The following AOPEP variants were observed in gnomAD, a reference collection of about 807,000 sequenced individuals.
The protein encoded by AOPEP is aminopeptidase O (putative).
AOPEP carries 77 observed loss-of-function variants against 98.1 expected under a neutral mutation model. The observed-to-expected ratio is 0.78, with a 90% CI of 0.65 to 0.95. The LOEUF is 0.95. Among genes scored for constraint, AOPEP ranks in the 40% least tolerant of loss-of-function variants. The pLI, the probability that AOPEP is intolerant of heterozygous loss-of-function variation, is 0.00. For synonymous variants in AOPEP, 346 were observed against 365.3 expected (o/e 0.95, Z 0.60); for missense variants, 1,024 against 1,024.7 (o/e 1.00, Z 0.01).
intron 11 of AOPEP, among the ~76,000 whole-genome samples, chr9:94,997,698 ATT>A (rs112551708): frequency 6.6e-6 from 1 of 152,006 alleles, no homozygotes; most frequent in Non-Finnish European, 1.5e-5. Context: ...CACCTGTGAA[ATT>A]TTGTTTTTTT....
chr9:95,128,611 C>T, the AOPEP span, among the ~76,000 whole-genome samples: 1 of 152,146 alleles, frequency 6.6e-6, no homozygotes, highest in Admixed American at 6.5e-5. Context: ...ACAGCTCTTA[C>T]TCAGTTTGTT....
At chr9:95,060,845 G>T in intron 14 of AOPEP, 35 bp downstream of exon 14, 1 of 1,310,766 alleles carries the variant, frequency 7.6e-7, no homozygotes, top group Non-Finnish European at 1.1e-6. Context: ...TAACCAGCAG[G>T]TCCCCACTGT....
At chr9:94,944,493 A>G (rs2057398089) in intron 7 of AOPEP, among the ~76,000 whole-genome samples, 2 of 152,266 alleles carry the variant, frequency 1.3e-5, no homozygotes, top group South Asian at 4.1e-4. Context: ...AAAAGGCCAC[A>G]TACTGTATCA....
intron 5 of AOPEP, among the ~76,000 whole-genome samples, chr9:94,914,011 C>A (rs369033610): frequency 4.6e-5 from 7 of 152,290 alleles, no homozygotes; most frequent in African/African-American, 1.7e-4. Flanking sequence ...TTTGCTAAAT[C>A]ATCTTATAGC....
At chr9:95,076,237 C>T (rs967550508) in intron 14 of AOPEP, among the ~76,000 whole-genome samples, 1 of 152,178 alleles carries the variant, frequency 6.6e-6, no homozygotes. Flanking sequence ...GGTCTCACGT[C>T]GATTTTGGCA....
chr9:95,083,718 GCA>G (rs1397032415), intron 16 of AOPEP, among the ~76,000 whole-genome samples: 5 of 150,796 alleles, frequency 3.3e-5, no homozygotes, highest in African/African-American at 7.3e-5. Flanking sequence ...AGCACATGTG[GCA>G]CACACAGTGC....
chr9:94,900,166 A>T (rs75660441), intron 5 of AOPEP, among the ~76,000 whole-genome samples: 6 of 152,268 alleles, frequency 3.9e-5, no homozygotes, highest in Non-Finnish European at 8.8e-5. Flanking sequence ...CTAGCTAGCT[A>T]TGTGAGCCAA....
intron 13 of AOPEP, among the ~76,000 whole-genome samples, chr9:95,059,893 C>G (rs896669382): frequency 3.2e-4 from 48 of 152,226 alleles, no homozygotes; most frequent in African/African-American, 1.1e-3. Context: ...CAGGGCCGAT[C>G]TCACAGGGCC....
At chr9:95,099,164 T>C in the AOPEP span, 2 of 216,840 alleles carry the variant, frequency 9.2e-6, no homozygotes, top group African/African-American at 4.5e-5. Context: ...AATAACAGCC[T>C]GGTTGGAGGG....
At chr9:94,732,196 A>C (rs1305239081) in intron 1 of AOPEP, among the ~76,000 whole-genome samples, 3 of 151,890 alleles carry the variant, frequency 2.0e-5, no homozygotes, top group Admixed American at 2.0e-4. Context: ...AACTTCTAGA[A>C]TATGCCTTTT....
intron 13 of AOPEP, among the ~76,000 whole-genome samples, chr9:95,007,175 C>T (rs977432889): frequency 6.6e-6 from 1 of 152,136 alleles, no homozygotes; most frequent in Non-Finnish European, 1.5e-5. Context: ...GCTGGGATTA[C>T]AGGCGTGAGC....
chr9:94,876,822 G>T (rs2047002593), intron 5 of AOPEP, among the ~76,000 whole-genome samples: 1 of 152,114 alleles, frequency 6.6e-6, no homozygotes, highest in Admixed American at 6.5e-5. Flanking sequence ...GCAAAAAGGA[G>T]CCCTAAAGTT....
At chr9:95,120,599 T>C in the AOPEP span, among the ~76,000 whole-genome samples, 1 of 151,952 alleles carries the variant, frequency 6.6e-6, no homozygotes, top group Non-Finnish European at 1.5e-5. Flanking sequence ...TTATTTACTT[T>C]TTTGTAGAGA....
chr9:94,926,009 G>A (rs117686552), intron 6 of AOPEP, among the ~76,000 whole-genome samples: 1,722 of 152,304 alleles, frequency 0.011, 22 homozygotes, highest in Non-Finnish European at 0.018. Context: ...CATTCAGCAG[G>A]GGTTTAATAT....
chr9:94,898,604 C>G (rs1823424194), intron 5 of AOPEP, among the ~76,000 whole-genome samples: 1 of 147,736 alleles, frequency 6.8e-6, no homozygotes, highest in Non-Finnish European at 1.5e-5. Context: ...TGCACTCCAG[C>G]CTGGGCGACA....
the AOPEP span, among the ~76,000 whole-genome samples, chr9:95,124,424 T>C: frequency 2.0e-5 from 3 of 152,346 alleles, no homozygotes; most frequent in Admixed American, 6.5e-5. Flanking sequence ...TAATTGGTCA[T>C]TGACTCTTGG....
chr9:94,947,544 A>G (rs1405861252), intron 7 of AOPEP, among the ~76,000 whole-genome samples: 1 of 152,158 alleles, frequency 6.6e-6, no homozygotes, highest in Admixed American at 6.5e-5. Context: ...ACCCAGCCCC[A>G]TATTTCATTT....
intron 2 of AOPEP, among the ~76,000 whole-genome samples, chr9:94,768,949 CAG>C (rs1215266741): frequency 6.6e-6 from 1 of 152,260 alleles, no homozygotes; most frequent in Non-Finnish European, 1.5e-5. Flanking sequence ...CTGTGCATGT[CAG>C]ATAAACACAG....
chr9:95,091,120 C>T (rs891128453), downstream of AOPEP, among the ~76,000 whole-genome samples: 1 of 152,246 alleles, frequency 6.6e-6, no homozygotes, highest in Non-Finnish European at 1.5e-5. Flanking sequence ...CAGCTGAAAG[C>T]AAGGCCAAGG....
Sources: allele counts gnomAD v4.1 joint callset (sites outside exome capture counted in the v4.1 genomes callset), GRCh38; gene constraint gnomAD v4.1.1; transcripts MANE v1.5; gene names NCBI Gene and HGNC (gene_info 2026-07-23, HGNC 2026-07-21).